The following ASIC2 variants were observed in gnomAD, a reference collection of about 807,000 sequenced individuals.
ASIC2 encodes acid-sensing ion channel 2.
ASIC2 carries 25 observed loss-of-function variants against 57.3 expected under a neutral mutation model. The observed-to-expected ratio is 0.44, with a 90% CI of 0.32 to 0.61. The LOEUF is 0.61. Ranked by LOEUF, ASIC2 falls within the 20% of genes least tolerant of loss-of-function variation. The pLI is 0.06. For synonymous variants in ASIC2, 319 were observed against 307.5 expected, an observed-to-expected ratio of 1.04 and a Z score of -0.39; for missense variants, 641 against 738.1, an observed-to-expected ratio of 0.87 and a Z score of 1.52.
intron 1 of ASIC2, among the ~76,000 whole-genome samples, chr17:33,461,729 C>T (rs1047921160): frequency 2.6e-5 from 4 of 152,134 alleles, no homozygotes; most frequent in South Asian, 2.1e-4. Context: ...TAATACCCAC[C>T]CCCTCCACAG....
At chr17:34,134,616 A>C (rs1598042899) in intron 1 of ASIC2, among the ~76,000 whole-genome samples, 1 of 152,336 alleles carries the variant, frequency 6.6e-6, no homozygotes, top group South Asian at 2.1e-4. Context: ...CCCTGAGTCC[A>C]GTGATGAGAC....
chr17:33,069,882 T>C (rs1188129879), intron 3 of ASIC2, among the ~76,000 whole-genome samples: 1 of 152,230 alleles, frequency 6.6e-6, no homozygotes, highest in Admixed American at 6.5e-5. Flanking sequence ...TTTTGTTATA[T>C]GTGTTCTACT....
chr17:33,499,533 C>T (rs1264696759), intron 1 of ASIC2, among the ~76,000 whole-genome samples: 1 of 152,222 alleles, frequency 6.6e-6, no homozygotes, highest in Admixed American at 6.5e-5. Flanking sequence ...TTGTTCCTCA[C>T]AGCCCTCTGA....
intron 1 of ASIC2, among the ~76,000 whole-genome samples, chr17:33,621,106 C>T (rs1286730269): frequency 6.6e-6 from 1 of 152,182 alleles, no homozygotes; most frequent in Non-Finnish European, 1.5e-5. Flanking sequence ...TTTCTCAGCT[C>T]CTTTCCCTAA....
rs145922689 is a variant in ASIC2, at chr17:33,903,220, C to T, written c.555+252758G>A. 5.5e-3 allele frequency among the ~76,000 whole-genome samples: 840 copies of T among 152,288 alleles called. 6 individuals carry two copies. In the Middle Eastern group the frequency reaches 0.061, roughly 11 times the overall value. On this transcript the variant is annotated intron_variant, in intron 1 of 9. Coordinates refer to the ASIC2 transcript ENST00000359872. ...TGACCTTCTTTTTCTCAGGCCCTGTCTTTCTCTCTCATGGTGCAGACACAT... is the reference window on the plus strand; with the variant it reads ...TGACCTTCTTTTTCTCAGGCCCTGTTTTTCTCTCTCATGGTGCAGACACAT...
intron 1 of ASIC2, among the ~76,000 whole-genome samples, chr17:33,343,911 G>A (rs994444470): frequency 1.3e-5 from 2 of 152,188 alleles, no homozygotes; most frequent in Non-Finnish European, 1.5e-5. Context: ...ACTTTGTCCC[G>A]TCTACCTGGA....
chr17:33,834,926 C>CA lies in ASIC2; in HGVS notation c.555+321051dup, dbSNP rs532085855. On this transcript the variant is annotated intron_variant, in intron 1 of 9. Transcript: ENST00000359872. ...ACCTAGGACAGTATTCCAAAAAAGA[C>CA]AAAAAAATAGTAAAAGGAAAAGGGG... Among the ~76,000 whole-genome samples, 80 of 151,970 alleles carry CA rather than the reference C, an allele frequency of 5.3e-4. No individual in the cohort carries two copies. In the East Asian group the frequency reaches 0.01, roughly 20 times the overall value.
intron 1 of ASIC2, among the ~76,000 whole-genome samples, chr17:34,093,856 C>G (rs1374980934): frequency 6.6e-6 from 1 of 152,108 alleles, no homozygotes; most frequent in Non-Finnish European, 1.5e-5. Flanking sequence ...CCTAGGGCCC[C>G]TAGTCATTTG....
chr17:34,102,909 G>A (rs757432771), intron 1 of ASIC2, among the ~76,000 whole-genome samples: 11 of 152,114 alleles, frequency 7.2e-5, no homozygotes, highest in Non-Finnish European at 1.6e-4. Flanking sequence ...TAATGGACAG[G>A]CATTTCATTT....
chr17:33,662,716 T>TCCTCCCTCCCTC (rs143151249), intron 1 of ASIC2, among the ~76,000 whole-genome samples: 1 of 125,620 alleles, frequency 8.0e-6, no homozygotes, highest in African/African-American at 2.9e-5. Context: ...TAGTACTGTT[T>TCCTCCCTCCCTC]CCTCCCTCCC....
chr17:33,727,290 A>G (rs1909591830), intron 1 of ASIC2, among the ~76,000 whole-genome samples: 1 of 152,236 alleles, frequency 6.6e-6, no homozygotes, highest in Non-Finnish European at 1.5e-5. Flanking sequence ...GCAACACAGG[A>G]TCCCATGTCT....
At chr17:33,319,750 T>C (rs1010610774) in intron 1 of ASIC2, among the ~76,000 whole-genome samples, 3 of 152,188 alleles carry the variant, frequency 2.0e-5, no homozygotes, top group African/African-American at 7.2e-5. Context: ...CCGTAGCTAG[T>C]CTTGAACTTC....
At chr17:33,138,114 G>C (rs543453388) in intron 1 of ASIC2, among the ~76,000 whole-genome samples, 24 of 152,282 alleles carry the variant, frequency 1.6e-4, no homozygotes, top group African/African-American at 5.3e-4. Context: ...TATTCAAGAG[G>C]TCTGGCACCA....
chr17:33,860,186 G>A (rs751194667), intron 1 of ASIC2, among the ~76,000 whole-genome samples: 1 of 152,148 alleles, frequency 6.6e-6, no homozygotes, highest in Non-Finnish European at 1.5e-5. Flanking sequence ...ATGAGATAAG[G>A]CAGGCATAAT....
intron 7 of ASIC2, among the ~76,000 whole-genome samples, chr17:33,018,207 T>G (rs1567717797): frequency 6.6e-6 from 1 of 152,232 alleles, no homozygotes; most frequent in Non-Finnish European, 1.5e-5. Context: ...CAATTTTGAC[T>G]CTTTCTAGAG....
chr17:33,272,938 T>G (rs1163969925), intron 1 of ASIC2, among the ~76,000 whole-genome samples: 1 of 152,168 alleles, frequency 6.6e-6, no homozygotes, highest in Non-Finnish European at 1.5e-5. Flanking sequence ...ATCTTTTTCT[T>G]TTGACTGAAC....
At chr17:33,860,631 C>G (rs1368240408) in intron 1 of ASIC2, among the ~76,000 whole-genome samples, 1 of 152,196 alleles carries the variant, frequency 6.6e-6, no homozygotes, top group Non-Finnish European at 1.5e-5. Context: ...GGACCAGAAT[C>G]ATATGGCATA....
chr17:33,876,371 G>A (rs1004338007), intron 1 of ASIC2, among the ~76,000 whole-genome samples: 1 of 152,194 alleles, frequency 6.6e-6, no homozygotes, highest in Non-Finnish European at 1.5e-5. Context: ...GTCACTTGGT[G>A]CATGATGTGG....
intron 1 of ASIC2, among the ~76,000 whole-genome samples, chr17:33,411,811 A>G (rs142190892): frequency 7.6e-4 from 115 of 152,304 alleles, no homozygotes; most frequent in African/African-American, 2.5e-3. Context: ...CAGCTTCCTC[A>G]TTGTGAAATT....
Sources: gnomAD v4.1 joint callset for allele counts (sites outside exome capture counted in the v4.1 genomes callset) on GRCh38, gnomAD v4.1.1 for gene constraint, MANE v1.5 for transcripts, NCBI Gene and HGNC (gene_info 2026-07-23, HGNC 2026-07-21) for gene names.